The following GALNT17 variants were observed in gnomAD, a reference collection of about 807,000 sequenced individuals.
The protein encoded by GALNT17 is polypeptide N-acetylgalactosaminyltransferase 17, also known as UDP-GalNAc:polypeptide N-acetylgalactosaminyltransferase-like 3.
Under a neutral mutation model 63.7 loss-of-function variants are expected in GALNT17, and 29 were observed. That is an observed-to-expected ratio of 0.46 (90% CI 0.34 to 0.62). The LOEUF is 0.62. Ranked by LOEUF, GALNT17 falls within the 20% of genes least tolerant of loss-of-function variation. GALNT17 has a pLI of 0.01. For missense variants in GALNT17, 603 were observed against 799.6 expected, an observed-to-expected ratio of 0.75 and a Z score of 2.97; for synonymous variants, 305 against 318.3, an observed-to-expected ratio of 0.96 and a Z score of 0.45.
At chr7:71,414,298 G>C (rs1793485426) in intron 3 of GALNT17, among the ~76,000 whole-genome samples, 1 of 152,110 alleles carries the variant, frequency 6.6e-6, no homozygotes, top group Non-Finnish European at 1.5e-5. Flanking sequence ...AAGACAATCT[G>C]TTGTTCATAG....
At chr7:71,351,940 A>G (rs1043344728) in intron 2 of GALNT17, among the ~76,000 whole-genome samples, 1 of 152,146 alleles carries the variant, frequency 6.6e-6, no homozygotes, top group African/African-American at 2.4e-5. Context: ...GAAGAGATGT[A>G]AGGAGTCCAG....
chr7:71,222,492 A>AT (rs1331548977), intron 1 of GALNT17, among the ~76,000 whole-genome samples: 2 of 152,052 alleles, frequency 1.3e-5, no homozygotes, highest in African/African-American at 4.8e-5. Flanking sequence ...AGGTTTCTCC[A>AT]TGTTGTCCAG....
At chr7:71,198,268 T>A (rs74609689) in intron 1 of GALNT17, among the ~76,000 whole-genome samples, 2,272 of 151,246 alleles carry the variant, frequency 0.015, 84 homozygotes, top group East Asian at 0.099. Context: ...ATTAGAAATA[T>A]GCACATAGTG....
intron 6 of GALNT17, among the ~76,000 whole-genome samples, chr7:71,634,421 A>C (rs1193760711): frequency 6.6e-6 from 1 of 152,174 alleles, no homozygotes; most frequent in Non-Finnish European, 1.5e-5. Flanking sequence ...GCTTGGTTTT[A>C]TGCATTTTAG....
intron 2 of GALNT17, among the ~76,000 whole-genome samples, chr7:71,362,602 G>A (rs1426264328): frequency 3.3e-5 from 5 of 152,160 alleles, no homozygotes; most frequent in Non-Finnish European, 4.4e-5. Context: ...CTAAGGGAAC[G>A]CATCCCACGT....
chr7:71,272,756 A>C (rs922847287), intron 1 of GALNT17, among the ~76,000 whole-genome samples: 1 of 152,214 alleles, frequency 6.6e-6, no homozygotes, highest in Non-Finnish European at 1.5e-5. Flanking sequence ...GCACAGTAAC[A>C]GGGCAGACAG....
At chr7:71,369,530 G>A (rs1012806041) in intron 2 of GALNT17, among the ~76,000 whole-genome samples, 16 of 152,174 alleles carry the variant, frequency 1.1e-4, no homozygotes, top group African/African-American at 3.8e-4. Context: ...TGAAAACTAT[G>A]TGCCAGGCGT....
Position 71,598,543 on chromosome 7 carries a change from CTT to C in GALNT17, c.1080+27145_1080+27146del, listed in dbSNP as rs138966624. Reference sequence around the variant, plus strand: ...GTATTTTGGGGCTTTGTTTGGATGTCTTTTTATTCTTTTTTAATTTAGTAGAT... The same window carrying C: ...GTATTTTGGGGCTTTGTTTGGATGTCTTTATTCTTTTTTAATTTAGTAGAT... On this transcript the variant is annotated intron_variant, in intron 6 of 10. Coordinates refer to ENST00000333538, the MANE Select transcript of GALNT17 (RefSeq NM_022479.3). 1.8e-3 allele frequency among the ~76,000 whole-genome samples: 281 copies of C among 152,186 alleles called. 3 individuals carry two copies. Among genetic ancestry groups the C allele is most frequent in the African/African-American group, 6.6e-3 (272 of 41,524 alleles).
intron 6 of GALNT17, among the ~76,000 whole-genome samples, chr7:71,660,597 G>A (rs187389091): frequency 1.3e-4 from 20 of 152,316 alleles, no homozygotes; most frequent in Admixed American, 1.1e-3. Flanking sequence ...GGTCTTATGT[G>A]TGGTAGAAAC....
intron 1 of GALNT17, among the ~76,000 whole-genome samples, chr7:71,245,649 G>C (rs1306672894): frequency 1.8e-4 from 28 of 152,192 alleles, no homozygotes; most frequent in Non-Finnish European, 4.4e-5. Context: ...AACTGGTTTA[G>C]ATTTTTCTGT....
intron 1 of GALNT17, among the ~76,000 whole-genome samples, chr7:71,254,714 G>T (rs190484912): frequency 1.6e-4 from 24 of 152,156 alleles, no homozygotes; most frequent in Admixed American, 1.5e-3. Context: ...GGGGGGCTTA[G>T]ATTTGATTTT....
intron 6 of GALNT17, among the ~76,000 whole-genome samples, chr7:71,633,366 C>G (rs1424099629): frequency 6.6e-6 from 1 of 152,100 alleles, no homozygotes; most frequent in Non-Finnish European, 1.5e-5. Context: ...CCTAACCTGA[C>G]CCCCTGCAAA....
chr7:71,648,444 T>A (rs989278636), intron 6 of GALNT17, among the ~76,000 whole-genome samples: 2 of 152,100 alleles, frequency 1.3e-5, no homozygotes, highest in South Asian at 2.1e-4. Context: ...ATAACGTTTT[T>A]AAAAAGATTT....
At chr7:71,240,704 G>A (rs1487971995) in intron 1 of GALNT17, among the ~76,000 whole-genome samples, 9 of 147,118 alleles carry the variant, frequency 6.1e-5, no homozygotes, top group East Asian at 6.1e-4. Context: ...TCTCGCTGTC[G>A]CCCAGGCTGG....
intron 1 of GALNT17, among the ~76,000 whole-genome samples, chr7:71,265,317 G>C (rs1790474657): frequency 6.6e-6 from 1 of 150,762 alleles, no homozygotes; most frequent in Non-Finnish European, 1.5e-5. Context: ...AGTAGAGACA[G>C]GGTTTCACCA....
chr7:71,208,879 G>A (rs896977407), intron 1 of GALNT17, among the ~76,000 whole-genome samples: 1 of 152,154 alleles, frequency 6.6e-6, no homozygotes, highest in Admixed American at 6.6e-5. Flanking sequence ...TACACTCGGA[G>A]GAAACAAAGA....
intron 1 of GALNT17, among the ~76,000 whole-genome samples, chr7:71,263,218 G>A (rs988376133): frequency 1.3e-5 from 2 of 151,890 alleles, no homozygotes; most frequent in Admixed American, 6.6e-5. Flanking sequence ...AATTAACTGG[G>A]TGTGGTGGCG....
chr7:71,502,589 A>T (rs974494829), intron 5 of GALNT17, among the ~76,000 whole-genome samples: 2 of 152,168 alleles, frequency 1.3e-5, no homozygotes, highest in African/African-American at 4.8e-5. Context: ...TGCTGGGAAG[A>T]CCATGTGAAC....
intron 1 of GALNT17, among the ~76,000 whole-genome samples, chr7:71,138,103 A>G (rs1399956881): frequency 3.4e-5 from 5 of 147,620 alleles, no homozygotes; most frequent in African/African-American, 5.2e-5. Flanking sequence ...TCCCTGTACT[A>G]TGGGAAGCTG....
Sources: allele counts gnomAD v4.1 joint callset (sites outside exome capture counted in the v4.1 genomes callset), GRCh38; gene constraint gnomAD v4.1.1; transcripts MANE v1.5; gene names NCBI Gene and HGNC (gene_info 2026-07-23, HGNC 2026-07-21).